Variants in ZMYND11 observed in about 807,000 individuals in gnomAD.
ZMYND11 encodes zinc finger MYND-type containing 11, also known as zinc finger MYND domain-containing protein 11.
ZMYND11 carries 9 observed loss-of-function variants against 84.9 expected under a neutral mutation model. That is an observed-to-expected ratio of 0.11 (90% CI 0.06 to 0.18). The LOEUF is 0.18. Among genes scored for constraint, ZMYND11 ranks in the 10% least tolerant of loss-of-function variants. The pLI, the probability that ZMYND11 is intolerant of heterozygous loss-of-function variation, is 1.00. For synonymous variants in ZMYND11, 250 were observed against 244.1 expected, an observed-to-expected ratio of 1.02 and a Z score of -0.23; for missense variants, 409 against 761.0, an observed-to-expected ratio of 0.54 and a Z score of 5.44.
intron 2 of ZMYND11, among the ~76,000 whole-genome samples, chr10:193,970 G>A (rs904643332): frequency 6.6e-6 from 1 of 152,052 alleles, no homozygotes; most frequent in Non-Finnish European, 1.5e-5. Context: ...TAATCTACTG[G>A]AGGGATATTT....
At chr10:245,221 A>G (rs1177167652) in intron 10 of ZMYND11, among the ~76,000 whole-genome samples, 1 of 152,240 alleles carries the variant, frequency 6.6e-6, no homozygotes, top group Non-Finnish European at 1.5e-5. Context: ...AATATTAACA[A>G]TATATTCATA....
chr10:229,765 G>A (rs530135131), intron 4 of ZMYND11, among the ~76,000 whole-genome samples: 3 of 152,338 alleles, frequency 2.0e-5, no homozygotes, highest in Non-Finnish European at 4.4e-5. Flanking sequence ...AGAAGTGGCA[G>A]GACAGGGTAA....
At chr10:241,074 A>T (rs1052382108) in intron 9 of ZMYND11, 104 bp downstream of exon 9, 2 of 829,286 alleles carry the variant, frequency 2.4e-6, no homozygotes, top group African/African-American at 3.5e-5. Flanking sequence ...TTAAAATATC[A>T]TAGTATATAT....
chr10:184,257 A>C (rs1167759433), intron 2 of ZMYND11, among the ~76,000 whole-genome samples: 1 of 152,160 alleles, frequency 6.6e-6, no homozygotes, highest in Non-Finnish European at 1.5e-5. Flanking sequence ...GAAAATCTTA[A>C]ATATTCTATA....
intron 1 of ZMYND11, among the ~76,000 whole-genome samples, chr10:174,723 A>G (rs183715025): frequency 0.017 from 2,552 of 149,146 alleles, 71 homozygotes; most frequent in African/African-American, 0.06. Flanking sequence ...ACAGTGGCAC[A>G]TGCTTGTCAT....
At chr10:168,887 A>G (rs1844635403) in intron 1 of ZMYND11, among the ~76,000 whole-genome samples, 1 of 152,144 alleles carries the variant, frequency 6.6e-6, no homozygotes, top group Non-Finnish European at 1.5e-5. Context: ...CCCAGTATGG[A>G]CAACTCTGAG....
chr10:209,037 G>GTATA (rs541792944), intron 2 of ZMYND11, among the ~76,000 whole-genome samples: 1 of 150,458 alleles, frequency 6.6e-6, no homozygotes, highest in African/African-American at 2.4e-5. Flanking sequence ...ATATGTATAT[G>GTATA]TATATATATA....
chr10:239,011 A>ACCAT (rs1950451876), intron 6 of ZMYND11, among the ~76,000 whole-genome samples: 1 of 152,206 alleles, frequency 6.6e-6, no homozygotes, highest in Non-Finnish European at 1.5e-5. Flanking sequence ...TAGTTATGGT[A>ACCAT]AACTGTCACA....
At chr10:206,225 TG>T (rs1415896892) in intron 2 of ZMYND11, among the ~76,000 whole-genome samples, 24 of 152,252 alleles carry the variant, frequency 1.6e-4, no homozygotes, top group African/African-American at 5.5e-4. Context: ...CCAGGCGTGG[TG>T]GCCAGCACCT....
chr10:157,479 C>T (rs1841987301), intron 1 of ZMYND11, among the ~76,000 whole-genome samples: 1 of 152,182 alleles, frequency 6.6e-6, no homozygotes, highest in Non-Finnish European at 1.5e-5. Context: ...GGATGACAGG[C>T]ATGAGCCGTT....
intron 2 of ZMYND11, among the ~76,000 whole-genome samples, chr10:188,561 C>T (rs980138945): frequency 6.7e-5 from 10 of 149,332 alleles, no homozygotes; most frequent in South Asian, 4.3e-4. Flanking sequence ...CACTGTGCTC[C>T]GGCCTGGGCA....
At chr10:174,794 G>C (rs1394093512) in intron 1 of ZMYND11, among the ~76,000 whole-genome samples, 1 of 151,686 alleles carries the variant, frequency 6.6e-6, no homozygotes, top group Non-Finnish European at 1.5e-5. Flanking sequence ...TCATACATTG[G>C]TCAAAACTCA....
intron 1 of ZMYND11, among the ~76,000 whole-genome samples, chr10:156,571 A>G (rs781869684): frequency 3.3e-5 from 5 of 152,206 alleles, no homozygotes; most frequent in Non-Finnish European, 7.3e-5. Context: ...AATATGCTAT[A>G]TGCTTTAAAG....
chr10:134,407 G>A (rs1043007033), upstream of ZMYND11: 2 of 152,210 alleles, frequency 1.3e-5, no homozygotes, highest in Non-Finnish European at 2.9e-5. Context: ...TCTTAAACCA[G>A]AGTCTTAAGG....
chr10:186,013 T>C (rs994425970), intron 2 of ZMYND11, among the ~76,000 whole-genome samples: 1 of 151,546 alleles, frequency 6.6e-6, no homozygotes, highest in Non-Finnish European at 1.5e-5. Context: ...GATTCTTTTT[T>C]TTTTTTTTTC....
At chr10:172,596 T>G (rs531787750) in intron 1 of ZMYND11, among the ~76,000 whole-genome samples, 1 of 152,254 alleles carries the variant, frequency 6.6e-6, no homozygotes, top group Admixed American at 6.5e-5. Flanking sequence ...ATGATAGAGA[T>G]AAAAGATTAA....
intron 1 of ZMYND11, among the ~76,000 whole-genome samples, chr10:173,359 CTG>C (rs782112915): frequency 2.0e-5 from 3 of 152,152 alleles, no homozygotes; most frequent in Non-Finnish European, 4.4e-5. Flanking sequence ...AGGCTACAGA[CTG>C]GGAGAAAATA....
intron 1 of ZMYND11, among the ~76,000 whole-genome samples, chr10:146,609 TTTG>T (rs1838916398): frequency 6.6e-6 from 1 of 152,170 alleles, no homozygotes; most frequent in Non-Finnish European, 1.5e-5. Context: ...CTCCTAGGGT[TTTG>T]TTGTTGTGTT....
At chr10:198,117 T>A in intron 2 of ZMYND11, 12 of 346,682 alleles carry the variant, frequency 3.5e-5, no homozygotes, top group Middle Eastern at 6.7e-4. Flanking sequence ...AAAATTGAGA[T>A]TTTAAATTAA....
Sources: gnomAD v4.1 joint callset for allele counts (sites outside exome capture counted in the v4.1 genomes callset) on GRCh38, gnomAD v4.1.1 for gene constraint, MANE v1.5 for transcripts, NCBI Gene and HGNC (gene_info 2026-07-23, HGNC 2026-07-21) for gene names.